RGS5: variants seen among roughly 807,000 people sequenced by gnomAD.
RGS5 encodes the protein regulator of G-protein signalling 5.
Under a neutral mutation model 18.9 loss-of-function variants are expected in RGS5, and 20 were observed. The observed-to-expected ratio is 1.06, with a 90% CI of 0.74 to 1.54. The LOEUF (loss-of-function observed/expected upper bound fraction) is 1.54. Ranked by LOEUF, RGS5 falls within the 40% of genes most tolerant of loss-of-function variation. RGS5 has a pLI of 0.00. For missense variants in RGS5, 201 were observed against 211.8 expected (o/e 0.95, Z 0.32); for synonymous variants, 57 against 76.2 (o/e 0.75, Z 1.31).
rs921403493 is a variant in RGS5 at position 163,276,283 on chromosome 1, C to G, written c.-281+29950G>C. Among the ~76,000 whole-genome samples the G allele has an allele frequency of 1.3e-5, 2 of 152,198 alleles. 1 individual carries two copies. Among genetic ancestry groups the G allele is most frequent in the South Asian group, 4.2e-4 (2 of 4,816 alleles). On this transcript the variant is annotated intron_variant, in intron 2 of 5. Transcript: ENST00000618415. ...TGCTGGGATTACAGGCATGAGCCAC[C>G]GCACCCAGCTATGTGGCACATTTTA...
chr1:163,275,290 A>G (rs1648824490), intron 2 of RGS5, among the ~76,000 whole-genome samples: 1 of 152,146 alleles, frequency 6.6e-6, no homozygotes. Flanking sequence ...AACCTAGGAC[A>G]TTCAATAAAT....
intron 2 of RGS5, among the ~76,000 whole-genome samples, chr1:163,257,955 T>C (rs1308422225): frequency 1.3e-5 from 2 of 152,198 alleles, no homozygotes; most frequent in Admixed American, 6.5e-5. Flanking sequence ...AGCTGATCCC[T>C]ATGGCACCTT....
intron 2 of RGS5, among the ~76,000 whole-genome samples, chr1:163,163,403 T>G (rs1657894927): frequency 6.6e-6 from 1 of 152,160 alleles, no homozygotes; most frequent in South Asian, 2.1e-4. Flanking sequence ...AACATACTGA[T>G]GCCTCAGAAA....
chr1:163,241,114 C>T (rs907958331), intron 2 of RGS5, among the ~76,000 whole-genome samples: 4 of 152,218 alleles, frequency 2.6e-5, no homozygotes, highest in African/African-American at 9.6e-5. Context: ...GTTATCTGAC[C>T]TATCCCCAAA....
chr1:163,165,355 T>C (rs1657993710), intron 2 of RGS5, among the ~76,000 whole-genome samples: 1 of 152,222 alleles, frequency 6.6e-6, no homozygotes, highest in Admixed American at 6.5e-5. Flanking sequence ...GAGACATTTA[T>C]AATATAAAAT....
chr1:163,168,140 C>T (rs1311144730), intron 2 of RGS5, 118 bp downstream of exon 2: 8 of 706,542 alleles, frequency 1.1e-5, no homozygotes, highest in Non-Finnish European at 1.7e-5. Context: ...TCTGAGGGCT[C>T]TTATGATCCT....
At chr1:163,225,259 T>C (rs1049943467) in intron 2 of RGS5, among the ~76,000 whole-genome samples, 2 of 152,170 alleles carry the variant, frequency 1.3e-5, no homozygotes, top group African/African-American at 4.8e-5. Flanking sequence ...AAGGGAAGAC[T>C]GTTCCCACTG....
intron 1 of RGS5, among the ~76,000 whole-genome samples, chr1:163,177,313 C>T (rs1405766069): frequency 1.3e-5 from 2 of 152,166 alleles, no homozygotes; most frequent in Non-Finnish European, 2.9e-5. Context: ...ATATTAGAAT[C>T]CCAGCTTAGA....
intron 2 of RGS5, among the ~76,000 whole-genome samples, chr1:163,253,282 G>T (rs765428477): frequency 6.6e-6 from 1 of 152,016 alleles, no homozygotes; most frequent in African/African-American, 2.4e-5. Context: ...GAAAATCAGT[G>T]ATCATGATCA....
At chr1:163,203,717 T>C (rs895255505), upstream of RGS5, among the ~76,000 whole-genome samples, 6 of 152,200 alleles carry the variant, frequency 3.9e-5, no homozygotes, top group African/African-American at 7.2e-5. Context: ...CTTCTGATTA[T>C]ACTTTGCTTG....
At chr1:163,176,740 G>A (rs1014260430) in intron 1 of RGS5, among the ~76,000 whole-genome samples, 2 of 152,034 alleles carry the variant, frequency 1.3e-5, no homozygotes, top group Non-Finnish European at 2.9e-5. Context: ...CATGATGTAC[G>A]CTATAATATG....
chr1:163,279,513 T>C (rs1648938532), intron 2 of RGS5, among the ~76,000 whole-genome samples: 1 of 151,830 alleles, frequency 6.6e-6, no homozygotes, highest in Admixed American at 6.6e-5. Flanking sequence ...CTATGGGGCA[T>C]AGCAAAAGCA....
intron 1 of RGS5, chr1:163,211,919 G>A (rs1044356945): frequency 6.6e-6 from 1 of 152,024 alleles, no homozygotes; most frequent in African/African-American, 2.4e-5. Flanking sequence ...AATAATTTCT[G>A]TTGGAAGAAC....
intron 1 of RGS5, among the ~76,000 whole-genome samples, chr1:163,190,226 C>G (rs974607233): frequency 8.5e-5 from 13 of 152,166 alleles, no homozygotes; most frequent in Non-Finnish European, 1.5e-4. Context: ...AGAGCTTAGA[C>G]TGAGGCTTAT....
Position 163,271,342 on chromosome 1 carries a change from G to T in RGS5, c.-281+34891C>A, listed in dbSNP as rs767020978. On this transcript the variant is annotated intron_variant, in intron 2 of 5. Transcript: ENST00000618415. ...CTTTGGCAGCTACTTAGATTTAGAT[G>T]ATGTCATGAAGGTAGAGCCCCCATG... Among the ~76,000 whole-genome samples the T allele has an allele frequency of 6.6e-5, 10 of 152,224 alleles. No homozygotes were observed. In the South Asian group the frequency reaches 1.7e-3, roughly 25 times the overall value.
intron 2 of RGS5, among the ~76,000 whole-genome samples, chr1:163,251,298 T>C (rs1648101783): frequency 6.6e-6 from 1 of 152,196 alleles, no homozygotes; most frequent in Admixed American, 6.5e-5. Context: ...GACATAGATT[T>C]GCTCTGTCTT....
chr1:163,249,564 G>A (rs1648042016), intron 2 of RGS5, among the ~76,000 whole-genome samples: 1 of 152,256 alleles, frequency 6.6e-6, no homozygotes. Flanking sequence ...GCCAAGGCGA[G>A]CGGATCACCT....
At chr1:163,314,964 G>A (rs892861165) in intron 1 of RGS5, among the ~76,000 whole-genome samples, 3 of 152,124 alleles carry the variant, frequency 2.0e-5, no homozygotes, top group Admixed American at 6.5e-5. Flanking sequence ...CCAGTTTGTG[G>A]CAGCTTGTTA....
At chr1:163,312,072 A>T (rs1390096565) in intron 1 of RGS5, among the ~76,000 whole-genome samples, 1 of 152,152 alleles carries the variant, frequency 6.6e-6, no homozygotes, top group African/African-American at 2.4e-5. Flanking sequence ...TGAGGGAGGG[A>T]CCTGGTGGGA....
Sources: allele counts gnomAD v4.1 joint callset (sites outside exome capture counted in the v4.1 genomes callset), GRCh38; gene constraint gnomAD v4.1.1; transcripts MANE v1.5; gene names NCBI Gene and HGNC (gene_info 2026-07-23, HGNC 2026-07-21).